The following RFC4 variants were observed in gnomAD, a reference collection of about 807,000 sequenced individuals.
The protein encoded by RFC4 is A1 37 kDa subunit.
A neutral mutation model predicts 47.6 loss-of-function variants in RFC4; 38 were observed. That is an observed-to-expected ratio of 0.80 (90% CI 0.62 to 1.05). RFC4 has a LOEUF of 1.05. Ranked by LOEUF, RFC4 falls within the 50% of genes least tolerant of loss-of-function variation. RFC4 has a pLI of 0.00. For missense variants in RFC4, 489 were observed against 434.0 expected (o/e 1.13, Z -1.13); for synonymous variants, 164 against 150.0 (o/e 1.09, Z -0.68).
At chr3:186,799,650 T>C (rs1201629691) in intron 3 of RFC4, among the ~76,000 whole-genome samples, 1 of 151,894 alleles carries the variant, frequency 6.6e-6, no homozygotes, top group East Asian at 1.9e-4. Context: ...GAGGCGGAGG[T>C]TGCAGTGAGC....
chr3:186,800,986 AAT>A, intron 3 of RFC4, 129 bp downstream of exon 3: 2 of 660,886 alleles, frequency 3.0e-6, no homozygotes, highest in Middle Eastern at 5.1e-4. Context: ...TCATTGTACA[AAT>A]AGTTATCAAG....
At chr3:186,794,620 A>AATAC in intron 5 of RFC4, 38 bp downstream of exon 5, 1 of 1,591,874 alleles carries the variant, frequency 6.3e-7, no homozygotes, top group South Asian at 1.1e-5. Context: ...TATTTAAAAT[A>AATAC]ATACATGCTA....
In RFC4 at chr3:186,790,340, C is replaced by G; in HGVS notation, c.868G>C (p.Glu290Gln). ...ACQSGSFDKL[E>Q]AVVKDLIDEG... ...GCTGACTTTACCTTGACCACAGCTT[C>G]TAGTTTGTCAAAAGAGCCACTCTGA... The change falls in exon 9 of 11, where the codon GAA (glutamate) becomes CAA (glutamine). Residue 290 changes from glutamate (E) to glutamine (Q), a missense_variant. Glu to Gln is a conservative substitution (Grantham distance 29, BLOSUM62 2). Transcript: ENST00000296273. 1 of 1,613,752 alleles carries G rather than the reference C, an allele frequency of 6.2e-7. No individual in the cohort carries two copies. Among genetic ancestry groups the G allele is most frequent in the Non-Finnish European group, 8.5e-7 (1 of 1,179,664 alleles).
chr3:186,794,917 T>G (rs2108469569), intron 4 of RFC4, 140 bp from the exon 5 acceptor site: 1 of 916,506 alleles, frequency 1.1e-6, no homozygotes, highest in Non-Finnish European at 1.6e-6. Flanking sequence ...TTTTGCATTC[T>G]CGCTTCAGCA....
chr3:186,797,307 C>T (rs987771319), intron 4 of RFC4, among the ~76,000 whole-genome samples: 3 of 152,156 alleles, frequency 2.0e-5, no homozygotes, highest in African/African-American at 4.8e-5. Context: ...ATCATAGGCT[C>T]CCCACACTTG....
chr3:186,796,618 T>A lies in RFC4; in HGVS notation c.290+917A>T, dbSNP rs559783539. Among the ~76,000 whole-genome samples, 14 of 152,280 alleles carry A rather than the reference T, an allele frequency of 9.2e-5. No individual in the cohort carries two copies. In the East Asian group the frequency reaches 2.7e-3, roughly 29 times the overall value. On this transcript the variant is annotated intron_variant, in intron 4 of 10. Transcript: ENST00000296273. The surrounding 1 kb of genome is among the most constrained non-coding windows in gnomAD (Gnocchi z 4.2). ...CCTCAGCCTGCCGAGTAGCTGGGAC[T>A]ACAGGTGCATGCCACCATGCCTGGC...
At chr3:186,795,345 G>A (rs1722222396) in intron 4 of RFC4, among the ~76,000 whole-genome samples, 1 of 152,016 alleles carries the variant, frequency 6.6e-6, no homozygotes, top group African/African-American at 2.4e-5. Context: ...TAAGTATCTT[G>A]GCATATTATC....
rs560496363 is a variant in RFC4, at chr3:186,794,536, C to G, written c.410+122G>C. The G allele has an allele frequency of 1.0e-5, 10 of 961,484 alleles. No homozygotes were observed. The East Asian group carries it at 1.7e-4, about 17-fold the overall frequency. The allele number at this position is 961,484 out of a possible 1,614,324, so 59.6% of individuals were successfully genotyped here. A position where few individuals can be genotyped will look rare whatever the true frequency, so the allele number is the denominator to read the frequency against. On this transcript the variant is annotated intron_variant, in intron 5 of 10. Coordinates refer to ENST00000296273, the MANE Select transcript of RFC4 (RefSeq NM_002916.5). ...TACCTCAGGCAGGATAGTCTTCTAA[C>G]ATGAAAAGTTGACAATTTGGCAGAA...
At position 186,792,288 on chromosome 3, in the gene RFC4, A is replaced by G. The variant is rs1421758046; in HGVS notation, c.675+202T>C. On this transcript the variant is annotated intron_variant, in intron 7 of 10. Coordinates refer to ENST00000296273, the MANE Select transcript of RFC4 (RefSeq NM_002916.5). ...CTCAGTTTCGGGTCTCTGATATATT[A>G]AAAGATAATTAACTCAAAAAGTAAT... Among the ~76,000 whole-genome samples, 5 of 152,224 alleles carry G rather than the reference A, an allele frequency of 3.3e-5. No individual in the cohort carries two copies. The East Asian group carries it at 9.6e-4, about 29-fold the overall frequency.
At position 186,802,397 on chromosome 3, in the gene RFC4, C is replaced by G. The variant is rs181204128; in HGVS notation, c.132-1202G>C. 5.9e-5 allele frequency among the ~76,000 whole-genome samples: 9 copies of G among 152,028 alleles called. No individual in the cohort carries two copies. In the East Asian group the frequency reaches 1.5e-3, roughly 26 times the overall value. ...TGAATCTTAAGATGAAAAGGGAAAA[C>G]CATTTAGTAACCTTAGTATAGGTAA... is the stretch of plus-strand genomic sequence containing the variant. On this transcript the variant is annotated intron_variant, in intron 2 of 10. Transcript: ENST00000296273.
At chr3:186,792,681 A>G in intron 6 of RFC4, 71 bp from the exon 7 acceptor site, 1 of 1,569,304 alleles carries the variant, frequency 6.4e-7, no homozygotes, top group South Asian at 1.2e-5. Flanking sequence ...ATTTTTATCA[A>G]GAACAAATCA....
intron 4 of RFC4, among the ~76,000 whole-genome samples, chr3:186,795,140 G>A (rs1579179350): frequency 6.6e-6 from 1 of 152,122 alleles, no homozygotes; most frequent in Non-Finnish European, 1.5e-5. Context: ...AACTAGCTGG[G>A]ACTATAGGCA....
intron 2 of RFC4, among the ~76,000 whole-genome samples, chr3:186,804,126 T>A (rs1291980325): frequency 6.6e-6 from 1 of 152,010 alleles, no homozygotes; most frequent in African/African-American, 2.4e-5. Flanking sequence ...GAGGTTGCAG[T>A]GAGTCGAGAC....
chr3:186,800,659 A>AT lies in RFC4; in HGVS notation c.210+457dup, dbSNP rs976422250. ...AGCTATAAGCAGAATTCAAAGCTCG[A>AT]TTTTTTTTTTGTATTATAGGTCAAT... On this transcript the variant is annotated intron_variant, in intron 3 of 10. Coordinates refer to ENST00000296273, the MANE Select transcript of RFC4 (RefSeq NM_002916.5). Among the ~76,000 whole-genome samples the AT allele has an allele frequency of 4.7e-4, 71 of 150,390 alleles. 1 individual carries two copies. The highest frequency in any genetic ancestry group is 7.3e-4 in the Admixed American group (11 of 15,074).
At chr3:186,804,504 T>TAA (rs75756787) in intron 2 of RFC4, 79 bp downstream of exon 2, 543 of 1,190,324 alleles carry the variant, frequency 4.6e-4, no homozygotes, top group East Asian at 8.7e-4. Context: ...CTCCATAAGT[T>TAA]AAAAAAAAAA....
intron 6 of RFC4, 66 bp from the exon 7 acceptor site, chr3:186,792,676 TATC>T: frequency 6.4e-7 from 1 of 1,572,426 alleles, no homozygotes; most frequent in Non-Finnish European, 8.6e-7. Context: ...AACTCATTTT[TATC>T]AAGAACAAAT....
At chr3:186,790,783 ATG>A (rs1256910458) in intron 8 of RFC4, among the ~76,000 whole-genome samples, 4 of 152,292 alleles carry the variant, frequency 2.6e-5, no homozygotes, top group East Asian at 3.9e-4. Flanking sequence ...CTTTCTCTCA[ATG>A]TCTCCATGTA....
In RFC4 at chr3:186,790,262, TA is replaced by T. The variant is rs746846143; in HGVS notation, c.883-8del. ...GACCCTCATCTATTAAATCCTATAATAAAAAAAACTTTTGGTATGATGACTT... is the reference window on the plus strand; with the variant it reads ...GACCCTCATCTATTAAATCCTATAATAAAAAAACTTTTGGTATGATGACTT... On this transcript the variant is annotated splice_polypyrimidine_tract_variant and splice_region_variant and intron_variant, in intron 9 of 10. Coordinates refer to ENST00000296273, the MANE Select transcript of RFC4 (RefSeq NM_002916.5). 3.7e-5 allele frequency: 59 copies of T among 1,611,530 alleles called. No homozygotes were observed. Among genetic ancestry groups the T allele is most frequent in the Middle Eastern group, 1.7e-4 (1 of 6,056 alleles).
intron 3 of RFC4, 110 bp from the exon 4 acceptor site, chr3:186,797,724 C>T (rs1722271830): frequency 1.5e-6 from 1 of 651,784 alleles, no homozygotes; most frequent in Non-Finnish European, 2.6e-6. Flanking sequence ...TCTAATAGGG[C>T]ACGTAATTTC....
Sources: allele counts gnomAD v4.1 joint callset (sites outside exome capture counted in the v4.1 genomes callset), GRCh38; gene constraint gnomAD v4.1.1; non-coding constraint Gnocchi (gnomAD v3.1); transcripts MANE v1.5; gene names NCBI Gene and HGNC (gene_info 2026-07-23, HGNC 2026-07-21).